CRYL1: variants seen among roughly 807,000 people sequenced by gnomAD.
CRYL1 encodes lambda-crystallin homolog.
Under a neutral mutation model 36.6 loss-of-function variants are expected in CRYL1, and 29 were observed. The observed-to-expected ratio is 0.79, with a 90% CI of 0.59 to 1.08. CRYL1 has a LOEUF of 1.08. CRYL1 is among the 50% of genes least tolerant of loss of function. The pLI is 0.00. For synonymous variants in CRYL1, 152 were observed against 151.5 expected, an observed-to-expected ratio of 1.00 and a Z score of -0.02; for missense variants, 411 against 407.9, an observed-to-expected ratio of 1.01 and a Z score of -0.06.
intron 3 of CRYL1, among the ~76,000 whole-genome samples, chr13:20,441,441 C>T (rs2032349687): frequency 6.6e-6 from 1 of 152,168 alleles, no homozygotes; most frequent in South Asian, 2.1e-4. Flanking sequence ...CCAAATGCAT[C>T]CTCAAGGGTT....
At chr13:20,483,702 G>A (rs1303574862) in intron 3 of CRYL1, among the ~76,000 whole-genome samples, 5 of 152,022 alleles carry the variant, frequency 3.3e-5, no homozygotes, top group South Asian at 2.1e-4. Flanking sequence ...ACCATGCCAT[G>A]CTAATTTTTT....
intron 2 of CRYL1, among the ~76,000 whole-genome samples, chr13:20,502,852 C>G (rs1273253305): frequency 2.0e-5 from 3 of 152,158 alleles, no homozygotes; most frequent in Admixed American, 2.0e-4. Flanking sequence ...TTGGAAACCT[C>G]ACAGGGAGAC....
chr13:20,431,200 A>G, intron 5 of CRYL1: 1 of 985,466 alleles, frequency 1.0e-6, no homozygotes, highest in Non-Finnish European at 1.2e-6. Flanking sequence ...GCTGGGGCAC[A>G]GTCAGCTTCC....
At chr13:20,472,464 G>A (rs1024663818) in intron 3 of CRYL1, among the ~76,000 whole-genome samples, 16 of 152,276 alleles carry the variant, frequency 1.1e-4, no homozygotes, top group Admixed American at 5.9e-4. Flanking sequence ...TAAGCACTAC[G>A]CATCGTAGCC....
At chr13:20,442,979 C>A (rs1346808160) in intron 3 of CRYL1, among the ~76,000 whole-genome samples, 1 of 152,210 alleles carries the variant, frequency 6.6e-6, no homozygotes, top group Non-Finnish European at 1.5e-5. Flanking sequence ...CTGGCTCAGG[C>A]AGTATCAGCA....
chr13:20,407,824 G>C lies in CRYL1; in HGVS notation c.740-3083C>G, dbSNP rs371327016. On this transcript the variant is annotated intron_variant, in intron 6 of 7. Coordinates refer to ENST00000298248, the MANE Select transcript of CRYL1 (RefSeq NM_015974.3). ...CTGCTTTCTAACTTGCGAGCCTTGG[G>C]CTGTGGGCCTCTGAGGGACAGTGGG... 1.6e-4 allele frequency among the ~76,000 whole-genome samples: 25 copies of C among 152,328 alleles called. No individual in the cohort carries two copies. In the East Asian group the frequency reaches 3.5e-3, roughly 21 times the overall value.
chr13:20,480,288 G>C (rs1565978205), intron 3 of CRYL1, among the ~76,000 whole-genome samples: 1 of 151,974 alleles, frequency 6.6e-6, no homozygotes, highest in Non-Finnish European at 1.5e-5. Context: ...GGCTGAGGCA[G>C]GAGAATCACT....
intron 3 of CRYL1, among the ~76,000 whole-genome samples, chr13:20,468,467 A>G (rs2032987383): frequency 2.6e-5 from 4 of 152,164 alleles, no homozygotes; most frequent in Non-Finnish European, 4.4e-5. Context: ...TAGCTATTCA[A>G]TTATCTCCAG....
At chr13:20,431,761 A>T (rs1469179832) in intron 5 of CRYL1, 14 of 1,225,542 alleles carry the variant, frequency 1.1e-5, no homozygotes, top group African/African-American at 1.5e-5. Context: ...TATAACACTG[A>T]GGGGTAAAAG....
chr13:20,422,927 GTCCT>G (rs1320381340), intron 5 of CRYL1, among the ~76,000 whole-genome samples: 1 of 152,168 alleles, frequency 6.6e-6, no homozygotes, highest in Admixed American at 6.5e-5. Context: ...AACACAGAAT[GTCCT>G]TCCATTTATT....
chr13:20,496,214 G>C (rs1042813035), intron 2 of CRYL1, among the ~76,000 whole-genome samples: 2 of 152,216 alleles, frequency 1.3e-5, no homozygotes, highest in African/African-American at 4.8e-5. Flanking sequence ...AACTCACAGT[G>C]ACAGAAAGTA....
At chr13:20,498,991 T>G (rs2033657897) in intron 2 of CRYL1, among the ~76,000 whole-genome samples, 1 of 152,248 alleles carries the variant, frequency 6.6e-6, no homozygotes, top group African/African-American at 2.4e-5. Flanking sequence ...TTTTCAGCTA[T>G]TAGGTTCCCT....
At chr13:20,484,803 T>C (rs987808096) in intron 3 of CRYL1, among the ~76,000 whole-genome samples, 1 of 152,178 alleles carries the variant, frequency 6.6e-6, no homozygotes, top group Non-Finnish European at 1.5e-5. Context: ...TTCAGTATTT[T>C]TGGAATAATG....
At chr13:20,424,959 G>A (rs974967735) in intron 5 of CRYL1, among the ~76,000 whole-genome samples, 1 of 152,114 alleles carries the variant, frequency 6.6e-6, no homozygotes, top group Admixed American at 6.5e-5. Flanking sequence ...TGGTGCGGAG[G>A]CCAGACTTGG....
chr13:20,429,607 C>G (rs112271089), intron 5 of CRYL1, among the ~76,000 whole-genome samples: 1 of 152,286 alleles, frequency 6.6e-6, no homozygotes, highest in African/African-American at 2.4e-5. Flanking sequence ...GTAGCCAGCA[C>G]AATCACGGTA....
rs2033102043 is a variant in CRYL1, at chr13:20,473,511, T to C, written c.276+15859A>G. The stretch of plus-strand genomic sequence containing the variant: ...GGCAGCCTTGTGATCTCAGCGGACC[T>C]GGCCAGAGTGGGTGGGCGGGCGCCA... On this transcript the variant is annotated intron_variant, in intron 3 of 7. Transcript: ENST00000298248. Among the ~76,000 whole-genome samples the C allele has an allele frequency of 1.3e-5, 2 of 152,260 alleles. 1 individual carries two copies. Among genetic ancestry groups the C allele is most frequent in the Non-Finnish European group, 2.9e-5 (2 of 68,042 alleles).
intron 2 of CRYL1, among the ~76,000 whole-genome samples, chr13:20,505,766 G>T (rs1279054165): frequency 1.3e-5 from 2 of 152,308 alleles, no homozygotes; most frequent in South Asian, 2.1e-4. Context: ...AATGCAACCC[G>T]ATTGGAAAGA....
chr13:20,448,467 T>TAC (rs2032500925), intron 3 of CRYL1, among the ~76,000 whole-genome samples: 1 of 152,188 alleles, frequency 6.6e-6, no homozygotes, highest in East Asian at 1.9e-4. Flanking sequence ...AAGCAGAATA[T>TAC]ACACCTCTCC....
chr13:20,450,661 C>G (rs2032552106), intron 3 of CRYL1, among the ~76,000 whole-genome samples: 1 of 152,122 alleles, frequency 6.6e-6, no homozygotes, highest in South Asian at 2.1e-4. Flanking sequence ...GGCGATTCCT[C>G]AAGGATCTAG....
Sources: allele counts gnomAD v4.1 joint callset (sites outside exome capture counted in the v4.1 genomes callset), GRCh38; gene constraint gnomAD v4.1.1; transcripts MANE v1.5; gene names NCBI Gene and HGNC (gene_info 2026-07-23, HGNC 2026-07-21).